The following IQGAP2 variants were observed in gnomAD, a reference collection of about 807,000 sequenced individuals.
IQGAP2 encodes the protein IQ motif containing GTPase activating protein 2.
In IQGAP2, 173 loss-of-function variants were observed where a neutral mutation model predicts 201.3. That is an observed-to-expected ratio of 0.86 (90% CI 0.76 to 0.98). IQGAP2 has a LOEUF of 0.98. Among genes scored for constraint, IQGAP2 ranks in the 50% least tolerant of loss-of-function variants. The pLI is 0.00. For missense variants in IQGAP2, 1,687 were observed against 1,864.8 expected (o/e 0.90, Z 1.76); for synonymous variants, 675 against 673.9 (o/e 1.00, Z -0.03).
intron 1 of IQGAP2, among the ~76,000 whole-genome samples, chr5:76,426,324 T>C (rs1000303084): frequency 6.6e-6 from 1 of 152,174 alleles, no homozygotes; most frequent in African/African-American, 2.4e-5. Context: ...GGCAACCATA[T>C]AAATTGTGCC....
Position 76,707,884 on chromosome 5 carries a change from AT to A in IQGAP2, c.*574del, listed in dbSNP as rs1434452165. ...TGTATAAAAGTATATATTTTATGTGATTTATTCCTACTAAATGAAAGTGCAC... is the reference window on the plus strand; with the variant it reads ...TGTATAAAAGTATATATTTTATGTGATTATTCCTACTAAATGAAAGTGCAC... On this transcript the variant is annotated 3_prime_UTR_variant, in exon 36 of 36. Transcript: ENST00000274364. The A allele has an allele frequency of 6.5e-6, 1 of 152,708 alleles. No individual in the cohort carries two copies. The highest frequency in any genetic ancestry group is 1.5e-5 in the Non-Finnish European group (1 of 68,098). The allele number at this position is 152,708 out of a possible 1,614,324, so 9.5% of individuals were successfully genotyped here. A position where few individuals can be genotyped will look rare whatever the true frequency, so the allele number is the denominator to read the frequency against.
chr5:76,451,578 C>T (rs979578800), intron 1 of IQGAP2, among the ~76,000 whole-genome samples: 8 of 152,148 alleles, frequency 5.3e-5, no homozygotes, highest in Admixed American at 1.3e-4. Flanking sequence ...TTTAAAAATA[C>T]GGTAAAACTG....
chr5:76,495,047 A>AAAAT (rs545137605), intron 2 of IQGAP2, among the ~76,000 whole-genome samples: 25 of 152,356 alleles, frequency 1.6e-4, no homozygotes, highest in Admixed American at 1.6e-3. Context: ...TTAGAAGGCA[A>AAAAT]AAATAAATAA....
At chr5:76,507,416 ATATT>A (rs36127222) in intron 2 of IQGAP2, among the ~76,000 whole-genome samples, 68,015 of 151,672 alleles carry the variant, frequency 0.45, 15,436 homozygotes, top group African/African-American at 0.5. Flanking sequence ...AAACTCCTAG[ATATT>A]TATTGTACAT....
intron 2 of IQGAP2, among the ~76,000 whole-genome samples, chr5:76,462,229 T>C (rs1441514792): frequency 1.3e-5 from 2 of 152,196 alleles, no homozygotes; most frequent in African/African-American, 4.8e-5. Context: ...CAGAGCTTCC[T>C]TGGGTCTTTT....
At chr5:76,547,509 G>A in intron 2 of IQGAP2, 1 of 650,176 alleles carries the variant, frequency 1.5e-6, no homozygotes, top group Non-Finnish European at 1.9e-6. Context: ...CTACGTTGGG[G>A]CAAAGACGTG....
intron 2 of IQGAP2, among the ~76,000 whole-genome samples, chr5:76,489,358 A>AC (rs1424279659): frequency 1.3e-5 from 2 of 152,180 alleles, no homozygotes; most frequent in Admixed American, 1.3e-4. Flanking sequence ...CCAAGAAGTA[A>AC]CTTTTTTTAG....
chr5:76,484,591 C>A (rs895395047), intron 2 of IQGAP2, among the ~76,000 whole-genome samples: 1 of 152,002 alleles, frequency 6.6e-6, no homozygotes, highest in East Asian at 1.9e-4. Flanking sequence ...TCTTTAGAAA[C>A]GGGGTCTTTA....
chr5:76,504,613 C>T (rs974363822), intron 2 of IQGAP2, among the ~76,000 whole-genome samples: 1 of 152,156 alleles, frequency 6.6e-6, no homozygotes, highest in Non-Finnish European at 1.5e-5. Context: ...CATTCTCCGC[C>T]ACTGTGTACT....
At chr5:76,593,818 A>G (rs1195413957) in intron 9 of IQGAP2, among the ~76,000 whole-genome samples, 2 of 152,212 alleles carry the variant, frequency 1.3e-5, no homozygotes, top group African/African-American at 2.4e-5. Context: ...TCCTTTTAAC[A>G]TCCTCGTTGA....
chr5:76,560,057 T>C (rs1338130256), intron 2 of IQGAP2, among the ~76,000 whole-genome samples: 1 of 152,268 alleles, frequency 6.6e-6, no homozygotes, highest in East Asian at 1.9e-4. Context: ...CTTAATTGTA[T>C]GTATAGCTCA....
chr5:76,624,914 A>C (rs1179714499), intron 13 of IQGAP2, among the ~76,000 whole-genome samples: 2 of 152,136 alleles, frequency 1.3e-5, no homozygotes, highest in African/African-American at 4.8e-5. Context: ...TCTCTACTAA[A>C]AATGCAAAAA....
At chr5:76,445,279 A>C (rs1212858030) in intron 1 of IQGAP2, among the ~76,000 whole-genome samples, 1 of 152,190 alleles carries the variant, frequency 6.6e-6, no homozygotes, top group African/African-American at 2.4e-5. Context: ...TGCTCTGGCC[A>C]CTTGCCAGCT....
chr5:76,446,584 C>T (rs764970808), intron 1 of IQGAP2, among the ~76,000 whole-genome samples: 2 of 152,296 alleles, frequency 1.3e-5, no homozygotes, highest in Admixed American at 1.3e-4. Context: ...TGTGTTTCAT[C>T]TAACCTCTCC....
chr5:76,414,087 A>T (rs1326577179), intron 1 of IQGAP2, among the ~76,000 whole-genome samples: 1 of 152,178 alleles, frequency 6.6e-6, no homozygotes, highest in Non-Finnish European at 1.5e-5. Flanking sequence ...CTGGGCCGCA[A>T]CTCACGTGCC....
At chr5:76,618,397 C>G in intron 13 of IQGAP2, 1 of 1,614,200 alleles carries the variant, frequency 6.2e-7, no homozygotes, top group Non-Finnish European at 8.5e-7. Context: ...ACTACAAACA[C>G]CAGGAGGTAG....
chr5:76,504,458 T>C (rs948038337), intron 2 of IQGAP2, among the ~76,000 whole-genome samples: 1 of 152,206 alleles, frequency 6.6e-6, no homozygotes, highest in Non-Finnish European at 1.5e-5. Context: ...AACACCTAAG[T>C]GCGAAAGTCC....
At chr5:76,612,449 C>G (rs113568833) in intron 13 of IQGAP2, among the ~76,000 whole-genome samples, 1 of 151,728 alleles carries the variant, frequency 6.6e-6, no homozygotes, top group African/African-American at 2.4e-5. Flanking sequence ...GAGCTGAGAT[C>G]GCACCATTGC....
intron 13 of IQGAP2, chr5:76,618,699 G>A (rs1426410169): frequency 1.5e-6 from 2 of 1,347,306 alleles, no homozygotes; most frequent in African/African-American, 1.5e-5. Flanking sequence ...AAGAAAGTGT[G>A]TTTAATTATT....
Sources: allele counts gnomAD v4.1 joint callset (sites outside exome capture counted in the v4.1 genomes callset), GRCh38; gene constraint gnomAD v4.1.1; transcripts MANE v1.5; gene names NCBI Gene and HGNC (gene_info 2026-07-23, HGNC 2026-07-21).